Variants in GPATCH2 observed in about 807,000 individuals in gnomAD.
GPATCH2 encodes G-patch domain containing 2.
Under a neutral mutation model 58.0 loss-of-function variants are expected in GPATCH2, and 51 were observed. The ratio of observed to expected loss-of-function variants is 0.88; its 90% CI spans 0.70 to 1.11. GPATCH2 has a LOEUF of 1.11. Ranked by LOEUF, GPATCH2 falls within the 50% of genes most tolerant of loss-of-function variation. GPATCH2 has a pLI of 0.00. For synonymous variants in GPATCH2, 222 were observed against 218.5 expected, an observed-to-expected ratio of 1.02 and a Z score of -0.14; for missense variants, 625 against 652.2, an observed-to-expected ratio of 0.96 and a Z score of 0.45.
At chr1:217,469,753 G>GTTGATGTGA (rs1236794521) in intron 8 of GPATCH2, among the ~76,000 whole-genome samples, 2 of 152,020 alleles carry the variant, frequency 1.3e-5, no homozygotes, top group African/African-American at 4.8e-5. Flanking sequence ...ATATTCAAGG[G>GTTGATGTGA]TTGATGTGAT....
intron 5 of GPATCH2, among the ~76,000 whole-genome samples, chr1:217,543,269 G>GTTTTTT (rs397860651): frequency 1.9e-5 from 2 of 105,702 alleles, no homozygotes; most frequent in African/African-American, 3.5e-5. Context: ...TGATGCGAAC[G>GTTTTTT]TTTTTTTTTT....
chr1:217,560,504 C>T (rs1272719213), intron 5 of GPATCH2, among the ~76,000 whole-genome samples: 1 of 152,190 alleles, frequency 6.6e-6, no homozygotes, highest in East Asian at 1.9e-4. Context: ...TAATAAAATG[C>T]AGCAGCCAAT....
chr1:217,442,484 G>A (rs1195689337), intron 9 of GPATCH2, among the ~76,000 whole-genome samples: 1 of 152,138 alleles, frequency 6.6e-6, no homozygotes, highest in Non-Finnish European at 1.5e-5. Context: ...AGAACTTAAA[G>A]TATAAGAAAA....
intron 6 of GPATCH2, among the ~76,000 whole-genome samples, chr1:217,499,954 T>C (rs1439835484): frequency 6.6e-6 from 1 of 152,120 alleles, no homozygotes; most frequent in East Asian, 1.9e-4. Context: ...TTGTAATTCA[T>C]TGATTTTAGA....
chr1:217,526,040 A>G (rs1312521747), intron 5 of GPATCH2, among the ~76,000 whole-genome samples: 3 of 152,222 alleles, frequency 2.0e-5, no homozygotes, highest in African/African-American at 7.2e-5. Context: ...TATTTCTACT[A>G]TTTTTCAAAG....
At chr1:217,575,926 A>G (rs1666782846) in intron 5 of GPATCH2, among the ~76,000 whole-genome samples, 1 of 152,118 alleles carries the variant, frequency 6.6e-6, no homozygotes, top group Non-Finnish European at 1.5e-5. Context: ...TAATAGCTTC[A>G]AGTTATTATC....
At chr1:217,599,077 G>C (rs1476929201) in intron 5 of GPATCH2, among the ~76,000 whole-genome samples, 1 of 152,196 alleles carries the variant, frequency 6.6e-6, no homozygotes, top group Non-Finnish European at 1.5e-5. Context: ...GTTGTGAACA[G>C]AGGTGTAAAA....
At chr1:217,591,555 A>G (rs1256936694) in intron 5 of GPATCH2, among the ~76,000 whole-genome samples, 1 of 152,120 alleles carries the variant, frequency 6.6e-6, no homozygotes, top group Admixed American at 6.5e-5. Context: ...TGTCCAAATC[A>G]TAACTTCCTC....
At chr1:217,501,445 G>A (rs1215750466) in intron 6 of GPATCH2, among the ~76,000 whole-genome samples, 2 of 151,998 alleles carry the variant, frequency 1.3e-5, no homozygotes, top group Non-Finnish European at 2.9e-5. Flanking sequence ...TTTTTACTTC[G>A]GTGGGATCAA....
chr1:217,431,316 G>A lies in GPATCH2; in HGVS notation c.1416C>T (p.Asn472=). 1.2e-6 allele frequency: 2 copies of A among 1,609,650 alleles called. No individual in the cohort carries two copies. Among genetic ancestry groups the A allele is most frequent in the Non-Finnish European group, 1.7e-6 (2 of 1,175,960 alleles). The part of the protein sequence containing the change: ...AQPILENNIG[N]RMLQNMGWTP... The stretch of plus-strand genomic sequence containing the variant: ...TCCAGCCCATATTCTGAAGCATTCG[G>A]TTTCCAATATTATTTTCTAGGATTG... The change falls in exon 10 of 10, where the codon AAC becomes AAT. Residue 472 remains asparagine, a synonymous_variant. Coordinates refer to ENST00000366935, the MANE Select transcript of GPATCH2 (RefSeq NM_018040.5).
chr1:217,530,996 G>T (rs1008086082), intron 5 of GPATCH2, among the ~76,000 whole-genome samples: 2 of 151,718 alleles, frequency 1.3e-5, no homozygotes, highest in African/African-American at 4.8e-5. Flanking sequence ...GTATTCAGTT[G>T]TTGGAAGAAA....
rs1414730400 is a variant in GPATCH2, at chr1:217,524,058, C to T, written c.1099-9169G>A. On this transcript the variant is annotated intron_variant, in intron 5 of 9. Transcript: ENST00000366935. ...GGTGCCCCTCACCTCCCGGATGGGG[C>T]GGCTGGCCAGGCGGGGGGCTGACCC... Among the ~76,000 whole-genome samples, 10 of 147,488 alleles carry T rather than the reference C, an allele frequency of 6.8e-5. 1 individual carries two copies. Among genetic ancestry groups the T allele is most frequent in the Non-Finnish European group, 1.2e-4 (8 of 66,838 alleles).
At position 217,586,079 on chromosome 1, in the gene GPATCH2, T is replaced by C. The variant is rs575065502; in HGVS notation, c.1098+24242A>G. Among the ~76,000 whole-genome samples, 10 of 152,182 alleles carry C rather than the reference T, an allele frequency of 6.6e-5. No homozygotes were observed. The East Asian group carries it at 1.7e-3, about 26-fold the overall frequency. ...CTGGAAGTTGCTCTGGGTTAGTGAG[T>C]GAGGGAGAGGTGAGTGAAAGTGAAG... On this transcript the variant is annotated intron_variant, in intron 5 of 9. Coordinates refer to ENST00000366935, the MANE Select transcript of GPATCH2 (RefSeq NM_018040.5).
chr1:217,561,476 G>T (rs1665922345), intron 5 of GPATCH2, among the ~76,000 whole-genome samples: 1 of 152,242 alleles, frequency 6.6e-6, no homozygotes, highest in Admixed American at 6.5e-5. Flanking sequence ...CGAGGTGTGT[G>T]TGTGTATTTA....
intron 2 of GPATCH2, among the ~76,000 whole-genome samples, chr1:217,616,013 T>C (rs1558528252): frequency 2.0e-5 from 3 of 152,104 alleles, no homozygotes; most frequent in Admixed American, 1.3e-4. Context: ...AAAAAGGACA[T>C]TAAATAACAG....
intron 5 of GPATCH2, among the ~76,000 whole-genome samples, chr1:217,541,528 C>T (rs1307426140): frequency 1.3e-5 from 2 of 152,098 alleles, no homozygotes; most frequent in Admixed American, 1.3e-4. Flanking sequence ...AGTAGAGTCT[C>T]AAAGCCCGAT....
At chr1:217,458,073 C>A (rs183634864) in intron 8 of GPATCH2, among the ~76,000 whole-genome samples, 1 of 152,146 alleles carries the variant, frequency 6.6e-6, no homozygotes, top group East Asian at 1.9e-4. Context: ...TAAAAACACA[C>A]AAAAAAATTA....
rs150880176 is a variant in GPATCH2 at position 217,618,781 on chromosome 1, G to A, written c.773+1002C>T. On this transcript the variant is annotated intron_variant, in intron 2 of 9. Coordinates refer to ENST00000366935, the MANE Select transcript of GPATCH2 (RefSeq NM_018040.5). ...TGAAGACCAGCCTGGCCAACATGGTGAAACCCCGTCTCTACTAAAAATACA... is the reference window on the plus strand; with the variant it reads ...TGAAGACCAGCCTGGCCAACATGGTAAAACCCCGTCTCTACTAAAAATACA... Among the ~76,000 whole-genome samples the A allele has an allele frequency of 4.1e-3, 622 of 151,198 alleles. 5 individuals are homozygous for A. Among genetic ancestry groups the A allele is most frequent in the African/African-American group, 0.014 (582 of 41,288 alleles).
At chr1:217,627,717 G>GA (rs1006811906) in intron 1 of GPATCH2, among the ~76,000 whole-genome samples, 10 of 149,922 alleles carry the variant, frequency 6.7e-5, no homozygotes, top group Non-Finnish European at 8.9e-5. Context: ...ATGGCTTTAA[G>GA]AAAAAAAAAG....
Sources: allele counts gnomAD v4.1 joint callset (sites outside exome capture counted in the v4.1 genomes callset), GRCh38; gene constraint gnomAD v4.1.1; transcripts MANE v1.5; gene names NCBI Gene and HGNC (gene_info 2026-07-23, HGNC 2026-07-21).